The following ROS1 variants were observed in gnomAD, a reference collection of about 807,000 sequenced individuals.
ROS1 encodes proto-oncogene tyrosine-protein kinase ROS.
A neutral mutation model predicts 273.5 loss-of-function variants in ROS1; 263 were observed. The ratio of observed to expected loss-of-function variants is 0.96; its 90% CI spans 0.87 to 1.06. The LOEUF (loss-of-function observed/expected upper bound fraction) is 1.06. ROS1 is among the 50% of genes least tolerant of loss of function. The probability of loss-of-function intolerance (pLI) is 0.00; values close to 1 mark genes in which losing one functional copy is unlikely to be tolerated. For missense variants in ROS1, 2,833 were observed against 2,751.1 expected, an observed-to-expected ratio of 1.03 and a Z score of -0.67; for synonymous variants, 1,008 against 954.1, an observed-to-expected ratio of 1.06 and a Z score of -1.04.
At chr6:117,361,949 C>T (rs1299480528) in intron 22 of ROS1, among the ~76,000 whole-genome samples, 1 of 152,022 alleles carries the variant, frequency 6.6e-6, no homozygotes, top group Admixed American at 6.6e-5. Context: ...AAAATACCTA[C>T]AGTGGTGCAA....
chr6:117,304,500 G>A (rs1248953296), intron 42 of ROS1, among the ~76,000 whole-genome samples: 1 of 152,142 alleles, frequency 6.6e-6, no homozygotes, highest in Non-Finnish European at 1.5e-5. Context: ...GCTTTCTATG[G>A]TTTCAGTTAG....
At chr6:117,356,943 C>T (rs761473959) in intron 25 of ROS1, 28 bp from the exon 26 acceptor site, 1 of 1,568,396 alleles carries the variant, frequency 6.4e-7, no homozygotes, top group South Asian at 1.2e-5. Context: ...GTCCCCCCAA[C>T]TTAATGAGTA....
At chr6:117,319,504 A>G (rs1216811081) in intron 37 of ROS1, among the ~76,000 whole-genome samples, 2 of 152,148 alleles carry the variant, frequency 1.3e-5, no homozygotes, top group African/African-American at 4.8e-5. Context: ...CAGCAAGCCT[A>G]AAATACTTAC....
intron 18 of ROS1, among the ~76,000 whole-genome samples, chr6:117,372,352 A>G (rs10434877): frequency 0.2 from 30,999 of 152,190 alleles, 3,566 homozygotes; most frequent in Admixed American, 0.34. Context: ...AAAACCCTAA[A>G]TACTTCTCCA....
intron 40 of ROS1, among the ~76,000 whole-genome samples, chr6:117,310,758 T>C (rs758771013): frequency 3.3e-5 from 5 of 152,284 alleles, no homozygotes; most frequent in South Asian, 4.1e-4. Flanking sequence ...ATGGTGTATA[T>C]GTGCCACATT....
intron 16 of ROS1, among the ~76,000 whole-genome samples, chr6:117,384,549 C>G (rs1487994998): frequency 6.6e-6 from 1 of 152,134 alleles, no homozygotes; most frequent in African/African-American, 2.4e-5. Flanking sequence ...AATAAATGGA[C>G]AGCAAGTACT....
intron 27 of ROS1, among the ~76,000 whole-genome samples, chr6:117,350,387 T>G (rs1312032670): frequency 6.6e-6 from 1 of 152,086 alleles, no homozygotes; most frequent in Non-Finnish European, 1.5e-5. Flanking sequence ...GTTAAGTATT[T>G]TTTCCTCTGG....
chr6:117,364,957 C>T, intron 21 of ROS1, 103 bp downstream of exon 21: 1 of 1,147,046 alleles, frequency 8.7e-7, no homozygotes, highest in Non-Finnish European at 1.3e-6. Context: ...CTAAACACAT[C>T]TATAAAACTG....
chr6:117,358,985 T>C (rs1779558419), intron 24 of ROS1, among the ~76,000 whole-genome samples: 1 of 152,180 alleles, frequency 6.6e-6, no homozygotes. Context: ...ACTGGCTTGC[T>C]GTTGGCTTCT....
intron 3 of ROS1, among the ~76,000 whole-genome samples, chr6:117,416,040 C>T (rs1456460903): frequency 2.0e-5 from 3 of 152,184 alleles, no homozygotes; most frequent in Non-Finnish European, 4.4e-5. Context: ...TTGGCAATAA[C>T]CTTCCGTGAC....
chr6:117,397,166 T>C (rs955490218), intron 7 of ROS1, 50 bp from the exon 8 acceptor site: 7 of 1,239,570 alleles, frequency 5.6e-6, no homozygotes, highest in African/African-American at 1.5e-5. Context: ...GCAAGCATGA[T>C]GTTTTTAAAA....
At chr6:117,397,703 C>A (rs1029658813) in intron 7 of ROS1, among the ~76,000 whole-genome samples, 1 of 152,226 alleles carries the variant, frequency 6.6e-6, no homozygotes, top group African/African-American at 2.4e-5. Flanking sequence ...TGAGCTTCAG[C>A]ACCCCTGCCC....
chr6:117,400,433 A>C (rs1233844345), intron 7 of ROS1, among the ~76,000 whole-genome samples: 1 of 152,206 alleles, frequency 6.6e-6, no homozygotes, highest in Admixed American at 6.5e-5. Flanking sequence ...TTTGAACAAG[A>C]GAACAATAAC....
chr6:117,415,894 A>G (rs989006923), intron 3 of ROS1, among the ~76,000 whole-genome samples: 1 of 152,190 alleles, frequency 6.6e-6, no homozygotes, highest in Non-Finnish European at 1.5e-5. Context: ...AATCAGAATC[A>G]GCATTTTAAT....
intron 42 of ROS1, among the ~76,000 whole-genome samples, chr6:117,303,435 C>G (rs210966): frequency 0.74 from 112,575 of 152,130 alleles, 41,831 homozygotes; most frequent in African/African-American, 0.81. Flanking sequence ...TAAGATACTA[C>G]TCATGGGAAT....
At chr6:117,309,039 T>C in intron 41 of ROS1, 111 bp from the exon 42 acceptor site, 1 of 1,039,142 alleles carries the variant, frequency 9.6e-7, no homozygotes, top group Non-Finnish European at 1.4e-6. Flanking sequence ...TTTGTCAGTG[T>C]ATTATTGGCC....
At position 117,341,637 on chromosome 6, in the gene ROS1, A is replaced by C; in HGVS notation, c.4652-5T>G. 6.3e-7 allele frequency: 1 copy of C among 1,598,878 alleles called. No individual in the cohort carries two copies. The highest frequency in any genetic ancestry group is 8.6e-7 in the Non-Finnish European group (1 of 1,166,538). On this transcript the variant is annotated splice_region_variant and splice_polypyrimidine_tract_variant and intron_variant, in intron 29 of 43. Coordinates refer to ENST00000368507, the MANE Select transcript of ROS1 (RefSeq NM_001378902.1). The stretch of plus-strand genomic sequence containing the variant: ...TGAGCTGCACTGCCTCTGGTACTGA[A>C]ATAAATAGCAAGGAATGATAAAGGA...
chr6:117,318,392 T>A (rs1776066578), intron 37 of ROS1, 140 bp from the exon 38 acceptor site: 1 of 659,100 alleles, frequency 1.5e-6, no homozygotes, highest in Non-Finnish European at 2.7e-6. Flanking sequence ...CATGTGCATG[T>A]ATTCTACAAA....
In ROS1 at chr6:117,425,641, A is replaced by G; in HGVS notation, c.16T>C (p.Cys6Arg). MKNIY[C>R]LIPKLVNFAT... Reference sequence around the variant, plus strand: ...AAATTGACAAGCTTCGGAATAAGACAGTAAATGTTCTTCATCACTTCACCA... The same window carrying G: ...AAATTGACAAGCTTCGGAATAAGACGGTAAATGTTCTTCATCACTTCACCA... The change falls in exon 1 of 44, where the codon TGT becomes CGT. Residue 6 changes from cysteine (C) to arginine (R), a missense_variant. Cys to Arg is a radical substitution (Grantham distance 180). Coordinates refer to ENST00000368507, the MANE Select transcript of ROS1 (RefSeq NM_001378902.1). The G allele has an allele frequency of 1.2e-6, 2 of 1,611,942 alleles. No homozygotes were observed. Among genetic ancestry groups the G allele is most frequent in the East Asian group, 2.2e-5 (1 of 44,806 alleles).
Sources: gnomAD v4.1 joint callset for allele counts (sites outside exome capture counted in the v4.1 genomes callset) on GRCh38, gnomAD v4.1.1 for gene constraint, MANE v1.5 for transcripts, NCBI Gene and HGNC (gene_info 2026-07-23, HGNC 2026-07-21) for gene names.